Variants in DLG2 observed in about 807,000 individuals in gnomAD.
DLG2 encodes disks large homolog 2.
DLG2 carries 45 observed loss-of-function variants against 132.5 expected under a neutral mutation model. That is an observed-to-expected ratio of 0.34 (90% CI 0.27 to 0.44). The LOEUF is 0.44. Among genes scored for constraint, DLG2 ranks in the 20% least tolerant of loss-of-function variants. The pLI, the probability that DLG2 is intolerant of heterozygous loss-of-function variation, is 1.00. For synonymous variants in DLG2, 424 were observed against 419.6 expected, an observed-to-expected ratio of 1.01 and a Z score of -0.13; for missense variants, 1,045 against 1,196.9, an observed-to-expected ratio of 0.87 and a Z score of 1.87.
intron 18 of DLG2, among the ~76,000 whole-genome samples, chr11:83,660,838 G>A (rs996958495): frequency 2.6e-5 from 4 of 151,794 alleles, no homozygotes; most frequent in African/African-American, 9.7e-5. Flanking sequence ...TCCCATCTTG[G>A]TCTCCCTCCT....
intron 7 of DLG2, among the ~76,000 whole-genome samples, chr11:84,333,125 T>C (rs1374843251): frequency 6.6e-6 from 1 of 152,178 alleles, no homozygotes; most frequent in East Asian, 1.9e-4. Context: ...CCCTGTTGCT[T>C]TATAAAGAGT....
intron 6 of DLG2, among the ~76,000 whole-genome samples, chr11:84,830,307 C>A (rs2078865203): frequency 6.6e-6 from 1 of 150,800 alleles, no homozygotes; most frequent in Non-Finnish European, 1.5e-5. Flanking sequence ...TGTAGGGGGT[C>A]TCTACCTTTT....
At chr11:84,483,141 C>T (rs904243471) in intron 7 of DLG2, among the ~76,000 whole-genome samples, 3 of 152,134 alleles carry the variant, frequency 2.0e-5, no homozygotes, top group Middle Eastern at 3.4e-3. Flanking sequence ...GATTAAATTA[C>T]AATTAAACTG....
intron 12 of DLG2, among the ~76,000 whole-genome samples, chr11:83,978,560 A>C (rs1041756396): frequency 6.6e-6 from 1 of 152,114 alleles, no homozygotes; most frequent in Admixed American, 6.6e-5. Flanking sequence ...TTTACATCAA[A>C]AACAAACAAG....
chr11:85,541,313 T>C (rs2075954143), intron 3 of DLG2, among the ~76,000 whole-genome samples: 1 of 152,050 alleles, frequency 6.6e-6, no homozygotes, highest in Admixed American at 6.6e-5. Context: ...CTTCTATTTA[T>C]ATACTAGGTC....
rs1012526328 is a variant in DLG2 at position 85,154,607 on chromosome 11, C to A, written c.231G>T (p.Glu77Asp). Residue 77 changes from glutamate to aspartate, a missense_variant, in exon 5 of 28, where the codon GAG becomes GAT. By Grantham distance (45) the Glu-to-Asp change is conservative. Coordinates refer to ENST00000376104, the MANE Select transcript of DLG2 (RefSeq NM_001142699.3). ...SGSKENASCI[E>D]QNKENQSFEN... ...CAAAACTCTGATTTTCTTTATTTTG[C>A]TCAATACATGAAGCATTTTCCTTTG... The A allele has an allele frequency of 1.9e-6, 3 of 1,540,328 alleles. No individual in the cohort carries two copies. Among genetic ancestry groups the A allele is most frequent in the Non-Finnish European group, 2.6e-6 (3 of 1,137,746 alleles).
At chr11:84,469,555 C>A (rs1040098608) in intron 7 of DLG2, among the ~76,000 whole-genome samples, 2 of 151,570 alleles carry the variant, frequency 1.3e-5, no homozygotes, top group East Asian at 3.9e-4. Flanking sequence ...CTTCTTTGTT[C>A]TCATTCTGTA....
chr11:84,873,048 A>G (rs2085730457), intron 6 of DLG2, among the ~76,000 whole-genome samples: 1 of 152,206 alleles, frequency 6.6e-6, no homozygotes, highest in Non-Finnish European at 1.5e-5. Flanking sequence ...AAAGATACCT[A>G]TGTATCAATT....
At chr11:83,557,833 G>C (rs898657397) in intron 19 of DLG2, among the ~76,000 whole-genome samples, 1 of 152,132 alleles carries the variant, frequency 6.6e-6, no homozygotes, top group African/African-American at 2.4e-5. Context: ...CGCTCTAAGG[G>C]AACTAACTTG....
At chr11:85,122,949 T>TTATATATATATATATTA (rs2074525378) in intron 5 of DLG2, among the ~76,000 whole-genome samples, 2 of 48,166 alleles carry the variant, frequency 4.2e-5, no homozygotes, top group Non-Finnish European at 7.0e-5. Flanking sequence ...TGTATATATA[T>TTATATATATATATATTA]TATATATATA....
chr11:85,403,658 G>A (rs2088422933), intron 3 of DLG2, among the ~76,000 whole-genome samples: 1 of 151,874 alleles, frequency 6.6e-6, no homozygotes, highest in East Asian at 1.9e-4. Flanking sequence ...TGCAACTGGA[G>A]ATGTATGATA....
At chr11:85,047,504 G>C (rs17809753) in intron 6 of DLG2, among the ~76,000 whole-genome samples, 5,332 of 151,894 alleles carry the variant, frequency 0.035, 114 homozygotes, top group East Asian at 0.092. Context: ...AGCTTTTGGA[G>C]TGAGAAGGTT....
chr11:83,588,849 G>T (rs2097138562), intron 19 of DLG2, among the ~76,000 whole-genome samples: 1 of 152,334 alleles, frequency 6.6e-6, no homozygotes, highest in East Asian at 1.9e-4. Context: ...GAATGCAGAA[G>T]CGTCAGGAGC....
intron 17 of DLG2, among the ~76,000 whole-genome samples, chr11:83,804,406 A>G (rs940967795): frequency 6.6e-6 from 1 of 152,082 alleles, no homozygotes; most frequent in Non-Finnish European, 1.5e-5. Context: ...TGAACTATTG[A>G]AACAGGCCCT....
chr11:85,060,301 A>C (rs1024341352), intron 6 of DLG2, among the ~76,000 whole-genome samples: 3 of 150,938 alleles, frequency 2.0e-5, no homozygotes, highest in Non-Finnish European at 4.4e-5. Context: ...AAGGCTAAGT[A>C]TATGTATATA....
intron 2 of DLG2, among the ~76,000 whole-genome samples, chr11:85,610,867 T>C (rs1337858715): frequency 1.3e-5 from 2 of 152,210 alleles, no homozygotes; most frequent in East Asian, 3.8e-4. Flanking sequence ...CAGGGGTTCC[T>C]TGGAATCACG....
chr11:83,499,895 A>ATATATCTATCTATC (rs1296866569), intron 21 of DLG2, among the ~76,000 whole-genome samples: 18 of 114,514 alleles, frequency 1.6e-4, no homozygotes, highest in African/African-American at 5.5e-4. Flanking sequence ...ATATATATAT[A>ATATATCTATCTATC]TATCAGTTCT....
In DLG2 at chr11:85,278,537, T is replaced by C. The variant is rs1004595270; in HGVS notation, c.186+6683A>G. Among the ~76,000 whole-genome samples the C allele has an allele frequency of 3.9e-5, 6 of 151,976 alleles. No individual in the cohort carries two copies. In the East Asian group the frequency reaches 9.7e-4, roughly 25 times the overall value. On this transcript the variant is annotated intron_variant, in intron 4 of 27. Transcript: ENST00000376104. ...ATCGCTTGAACCTGGGAGGTGGAGA[T>C]TGCGGTGAGCCGAGATGGTTTCATT...
intron 8 of DLG2, among the ~76,000 whole-genome samples, chr11:84,186,383 G>A (rs564709201): frequency 6.6e-6 from 1 of 152,026 alleles, no homozygotes; most frequent in East Asian, 1.9e-4. Context: ...ATAAACCTAA[G>A]AGAGCTGGAG....
Sources: allele counts gnomAD v4.1 joint callset (sites outside exome capture counted in the v4.1 genomes callset), GRCh38; gene constraint gnomAD v4.1.1; transcripts MANE v1.5; gene names NCBI Gene and HGNC (gene_info 2026-07-23, HGNC 2026-07-21).